Variants in PKHD1L1 observed in about 807,000 individuals in gnomAD.
The protein encoded by PKHD1L1 is PKHD1 like 1, also known as fibrocystin-L.
In PKHD1L1, 434 loss-of-function variants were observed where a neutral mutation model predicts 462.9. The ratio of observed to expected loss-of-function variants is 0.94; its 90% CI spans 0.87 to 1.02. The LOEUF (loss-of-function observed/expected upper bound fraction) is 1.02, where lower values mean the gene tolerates loss of function less well. Among genes scored for constraint, PKHD1L1 ranks in the 50% least tolerant of loss-of-function variants. PKHD1L1 has a pLI of 0.00. For synonymous variants in PKHD1L1, 1,781 were observed against 1,750.0 expected, an observed-to-expected ratio of 1.02 and a Z score of -0.44; for missense variants, 5,202 against 5,096.1, an observed-to-expected ratio of 1.02 and a Z score of -0.63.
Position 109,489,738 on chromosome 8 carries a change from G to A in PKHD1L1, c.9881-214G>A, listed in dbSNP as rs773470648. 2.0e-5 allele frequency among the ~76,000 whole-genome samples: 3 copies of A among 151,850 alleles called. No homozygotes were observed. The East Asian group carries it at 5.8e-4, about 29-fold the overall frequency. ...TATATATGCGTTATTAAAATTTTGC[G>A]GGAGAGTGCAGGCTATTAGGAAAAA... On this transcript the variant is annotated intron_variant, in intron 59 of 77. Coordinates refer to ENST00000378402, the MANE Select transcript of PKHD1L1 (RefSeq NM_177531.6).
chr8:109,497,378 C>T (rs1484994731), intron 65 of PKHD1L1, 106 bp downstream of exon 65: 18 of 1,300,172 alleles, frequency 1.4e-5, no homozygotes, highest in African/African-American at 1.0e-4. Context: ...ATCTCTGTCT[C>T]GCCCACACCT....
rs1054917822 is a variant in PKHD1L1, at chr8:109,530,753, C to T, written c.*663C>T. On this transcript the variant is annotated 3_prime_UTR_variant, in exon 78 of 78. Transcript: ENST00000378402. ...GAACTTTTGGAACAAGTCCAAACTC[C>T]TTCTCTGCCTACCCCTCCTTCCCAC... Among the ~76,000 whole-genome samples, 1 of 152,122 alleles carries T rather than the reference C, an allele frequency of 6.6e-6. No homozygotes were observed. The highest frequency in any genetic ancestry group is 1.5e-5 in the Non-Finnish European group (1 of 68,024).
intron 73 of PKHD1L1, among the ~76,000 whole-genome samples, chr8:109,519,150 G>A (rs1820422759): frequency 6.6e-6 from 1 of 152,106 alleles, no homozygotes; most frequent in African/African-American, 2.4e-5. Context: ...TACATAATCT[G>A]TCTTTATTTC....
At chr8:109,445,986 A>G (rs1033119537) in intron 38 of PKHD1L1, among the ~76,000 whole-genome samples, 2 of 151,770 alleles carry the variant, frequency 1.3e-5, no homozygotes, top group Non-Finnish European at 2.9e-5. Flanking sequence ...ACTCTAGTTA[A>G]AAATCAAAAG....
intron 21 of PKHD1L1, among the ~76,000 whole-genome samples, 195 bp from the exon 22 acceptor site, chr8:109,418,902 T>TA (rs1286941496): frequency 6.6e-6 from 1 of 152,252 alleles, no homozygotes; most frequent in African/African-American, 2.4e-5. Context: ...TATACAATGC[T>TA]AAATCTTTTA....
intron 28 of PKHD1L1, 73 bp downstream of exon 28, chr8:109,433,289 C>T (rs1815213345): frequency 8.6e-7 from 1 of 1,164,550 alleles, no homozygotes; most frequent in African/African-American, 1.5e-5. Context: ...GGCAGTATTA[C>T]AATTATCTTG....
intron 59 of PKHD1L1, among the ~76,000 whole-genome samples, chr8:109,487,892 GGAAGGAAGGA>G (rs1490357174): frequency 8.6e-6 from 1 of 116,420 alleles, no homozygotes; most frequent in South Asian, 3.4e-4. Context: ...GAGAGAGAGA[GGAAGGAAGGA>G]AGGAAGGAAG....
intron 55 of PKHD1L1, 44 bp from the exon 56 acceptor site, chr8:109,481,389 C>T (rs1377461814): frequency 1.5e-5 from 23 of 1,499,388 alleles, no homozygotes; most frequent in East Asian, 2.4e-5. Context: ...GATTTTTTTT[C>T]CTGGTCAATT....
chr8:109,493,343 G>A (rs1184065591), intron 62 of PKHD1L1, among the ~76,000 whole-genome samples: 1 of 151,046 alleles, frequency 6.6e-6, no homozygotes, highest in East Asian at 1.9e-4. Flanking sequence ...TTGTAATACT[G>A]GAATTTGTTC....
intron 72 of PKHD1L1, 29 bp downstream of exon 72, chr8:109,515,334 A>G: frequency 7.0e-7 from 1 of 1,424,748 alleles, no homozygotes; most frequent in Non-Finnish European, 9.4e-7. Flanking sequence ...TACAGTACAC[A>G]TGGAAAATGT....
chr8:109,523,693 G>T (rs774073129), intron 76 of PKHD1L1, among the ~76,000 whole-genome samples: 1 of 152,112 alleles, frequency 6.6e-6, no homozygotes, highest in Admixed American at 6.5e-5. Context: ...TTAACATACA[G>T]ATTTTCAAAT....
At chr8:109,397,321 A>T (rs1813029058) in intron 11 of PKHD1L1, among the ~76,000 whole-genome samples, 1 of 152,114 alleles carries the variant, frequency 6.6e-6, no homozygotes. Context: ...TGATTGGTTT[A>T]ATATACTGTT....
intron 14 of PKHD1L1, among the ~76,000 whole-genome samples, chr8:109,403,190 T>C (rs889823691): frequency 2.0e-5 from 3 of 152,202 alleles, no homozygotes; most frequent in African/African-American, 7.2e-5. Context: ...GTGCTTACAA[T>C]GATGGCTATG....
chr8:109,378,874 A>G (rs1489014509), intron 2 of PKHD1L1, among the ~76,000 whole-genome samples: 1 of 152,228 alleles, frequency 6.6e-6, no homozygotes. Flanking sequence ...AGGGACTCAT[A>G]ATAGTGAGCA....
chr8:109,424,034 A>G (rs1045170570), intron 23 of PKHD1L1, among the ~76,000 whole-genome samples: 1 of 152,126 alleles, frequency 6.6e-6, no homozygotes, highest in East Asian at 1.9e-4. Flanking sequence ...CATTTTTACA[A>G]AGTAGATACA....
intron 68 of PKHD1L1, 61 bp downstream of exon 68, chr8:109,504,553 T>C: frequency 9.5e-7 from 1 of 1,050,080 alleles, no homozygotes; most frequent in Non-Finnish European, 1.3e-6. Context: ...CACTTCCTCC[T>C]GCTCAAGATC....
At chr8:109,476,438 G>T in intron 51 of PKHD1L1, 70 bp from the exon 52 acceptor site, 1 of 1,055,580 alleles carries the variant, frequency 9.5e-7, no homozygotes. Context: ...CTAATTATAT[G>T]TCATTAAAAT....
intron 55 of PKHD1L1, among the ~76,000 whole-genome samples, chr8:109,481,219 A>C (rs1818255544): frequency 6.6e-6 from 1 of 151,950 alleles, no homozygotes; most frequent in Non-Finnish European, 1.5e-5. Flanking sequence ...TAGTTCTGTC[A>C]GTAAGTAGAT....
At chr8:109,477,420 T>C in intron 53 of PKHD1L1, 24 bp downstream of exon 53, 2 of 1,570,732 alleles carry the variant, frequency 1.3e-6, no homozygotes, top group Non-Finnish European at 1.7e-6. Context: ...TTGTAGTTGA[T>C]ACCCTTCAAT....
Sources: gnomAD v4.1 joint callset for allele counts (sites outside exome capture counted in the v4.1 genomes callset) on GRCh38, gnomAD v4.1.1 for gene constraint, MANE v1.5 for transcripts, NCBI Gene and HGNC (gene_info 2026-07-23, HGNC 2026-07-21) for gene names.